SH3GL2: variants seen among roughly 807,000 people sequenced by gnomAD.
SH3GL2 encodes endophilin-A1.
A neutral mutation model predicts 46.0 loss-of-function variants in SH3GL2; 24 were observed. The observed-to-expected ratio is 0.52, with a 90% CI of 0.38 to 0.73. The LOEUF (loss-of-function observed/expected upper bound fraction) is 0.73, where lower values mean the gene tolerates loss of function less well. Ranked by LOEUF, SH3GL2 falls within the 30% of genes least tolerant of loss-of-function variation. SH3GL2 has a pLI of 0.00. For missense variants in SH3GL2, 413 were observed against 424.2 expected, an observed-to-expected ratio of 0.97 and a Z score of 0.23; for synonymous variants, 196 against 147.1, an observed-to-expected ratio of 1.33 and a Z score of -2.40.
At chr9:17,731,017 A>C (rs1175528480) in intron 1 of SH3GL2, among the ~76,000 whole-genome samples, 1 of 152,110 alleles carries the variant, frequency 6.6e-6, no homozygotes, top group Non-Finnish European at 1.5e-5. Context: ...AGAGAGAGCC[A>C]TATGTTCTTA....
At chr9:17,594,206 A>C (rs1005466129) in intron 1 of SH3GL2, among the ~76,000 whole-genome samples, 1 of 151,834 alleles carries the variant, frequency 6.6e-6, no homozygotes, top group Non-Finnish European at 1.5e-5. Flanking sequence ...ATCTGCTTTC[A>C]CTCTCACACT....
intron 1 of SH3GL2, among the ~76,000 whole-genome samples, chr9:17,595,098 C>T (rs1037593337): frequency 1.3e-5 from 2 of 152,222 alleles, no homozygotes; most frequent in Non-Finnish European, 2.9e-5. Context: ...CCCCATTTTA[C>T]AGATGAGGAA....
chr9:17,606,816 A>G (rs367724013), intron 1 of SH3GL2, among the ~76,000 whole-genome samples: 21 of 152,322 alleles, frequency 1.4e-4, no homozygotes, highest in South Asian at 1.2e-3. Context: ...TAAAATTACA[A>G]AATTCAAGAT....
In SH3GL2 at chr9:17,756,364, T is replaced by C. The variant is rs577887565; in HGVS notation, c.115-5073T>C. Among the ~76,000 whole-genome samples, 7 of 152,230 alleles carry C rather than the reference T, an allele frequency of 4.6e-5. No homozygotes were observed. In the South Asian group the frequency reaches 1.2e-3, roughly 27 times the overall value. ...CTTTAAGTTCTAGAGTATGTGTACA[T>C]GTGCACAGCTTGCAGGTTTGTTACA... On this transcript the variant is annotated intron_variant, in intron 2 of 8. Coordinates refer to ENST00000380607, the MANE Select transcript of SH3GL2 (RefSeq NM_003026.5).
At chr9:17,730,992 G>T (rs1472719048) in intron 1 of SH3GL2, among the ~76,000 whole-genome samples, 1 of 152,120 alleles carries the variant, frequency 6.6e-6, no homozygotes, top group African/African-American at 2.4e-5. Context: ...GGGACTTGAG[G>T]CATGCAAAAC....
At chr9:17,652,954 C>T (rs533788444) in intron 1 of SH3GL2, among the ~76,000 whole-genome samples, 1 of 151,976 alleles carries the variant, frequency 6.6e-6, no homozygotes, top group Non-Finnish European at 1.5e-5. Flanking sequence ...TCCTCTTGGT[C>T]CTTTATAATG....
intron 3 of SH3GL2, among the ~76,000 whole-genome samples, chr9:17,778,997 A>G (rs1823723067): frequency 6.6e-6 from 1 of 152,088 alleles, no homozygotes; most frequent in African/African-American, 2.4e-5. Context: ...TCAAGTAGGT[A>G]TTAGAATGCC....
intron 3 of SH3GL2, among the ~76,000 whole-genome samples, chr9:17,777,077 CTTCT>C (rs1325163004): frequency 6.6e-6 from 1 of 152,138 alleles, no homozygotes; most frequent in Non-Finnish European, 1.5e-5. Context: ...GGACCTTCCT[CTTCT>C]TTATTTCGGA....
chr9:17,720,477 G>A (rs1243863060), intron 1 of SH3GL2, among the ~76,000 whole-genome samples: 1 of 152,086 alleles, frequency 6.6e-6, no homozygotes, highest in Admixed American at 6.6e-5. Context: ...ATGAGGTACC[G>A]AGACAGCTGG....
chr9:17,763,867 C>A (rs1449839908), intron 3 of SH3GL2, among the ~76,000 whole-genome samples: 1 of 152,162 alleles, frequency 6.6e-6, no homozygotes, highest in Non-Finnish European at 1.5e-5. Flanking sequence ...ACGATCCTGC[C>A]TCTGAGAAGG....
Position 17,776,085 on chromosome 9 carries a change from C to T in SH3GL2, c.188-10296C>T, listed in dbSNP as rs537748012. ...CTAGGGTGGGGAGAAAAATAGGGTG[C>T]GGAGGGCAGAATCACCCCTCATCCT... On this transcript the variant is annotated intron_variant, in intron 3 of 8. Transcript: ENST00000380607. Among the ~76,000 whole-genome samples, 37 of 152,082 alleles carry T rather than the reference C, an allele frequency of 2.4e-4. No individual in the cohort carries two copies. In the South Asian group the frequency reaches 5.4e-3, roughly 22 times the overall value.
intron 1 of SH3GL2, among the ~76,000 whole-genome samples, chr9:17,623,707 C>G (rs1361317785): frequency 7.7e-5 from 1 of 12,998 alleles, no homozygotes; most frequent in Non-Finnish European, 2.2e-4. Flanking sequence ...TAATTTCCTA[C>G]ACACACACAC....
chr9:17,658,995 GAGAA>G (rs921277354), intron 1 of SH3GL2, among the ~76,000 whole-genome samples: 1 of 152,222 alleles, frequency 6.6e-6, no homozygotes, highest in Non-Finnish European at 1.5e-5. Context: ...ATTATCTTCT[GAGAA>G]AGAAAGGAGC....
chr9:17,656,048 C>A (rs952435495), intron 1 of SH3GL2, among the ~76,000 whole-genome samples: 5 of 152,086 alleles, frequency 3.3e-5, no homozygotes, highest in Admixed American at 6.6e-5. Flanking sequence ...AGTGAAAGAA[C>A]TGAAAAAGTT....
chr9:17,697,408 G>C (rs575701365), intron 1 of SH3GL2, among the ~76,000 whole-genome samples: 1 of 142,534 alleles, frequency 7.0e-6, no homozygotes, highest in East Asian at 2.4e-4. Context: ...ATTTTTAGTA[G>C]AGACAGGGTT....
intron 1 of SH3GL2, among the ~76,000 whole-genome samples, chr9:17,742,559 T>C (rs1822557158): frequency 6.6e-6 from 1 of 152,240 alleles, no homozygotes; most frequent in Non-Finnish European, 1.5e-5. Context: ...GTGAGCAGTC[T>C]TATTTGCCTT....
At chr9:17,785,276 CTAAT>C (rs1053060644) in intron 3 of SH3GL2, among the ~76,000 whole-genome samples, 1 of 152,134 alleles carries the variant, frequency 6.6e-6, no homozygotes, top group African/African-American at 2.4e-5. Flanking sequence ...TTACTTCACT[CTAAT>C]TAATTTTAAA....
rs191125861 is a variant in SH3GL2 at position 17,616,595 on chromosome 9, A to G, written c.45+37308A>G. On this transcript the variant is annotated intron_variant, in intron 1 of 8. Coordinates refer to ENST00000380607, the MANE Select transcript of SH3GL2 (RefSeq NM_003026.5). ...GGCTACAAATGATATAGCAAAGCAAATAACTAGATTATGAATCTTTTGAAA... is the reference window on the plus strand; with the variant it reads ...GGCTACAAATGATATAGCAAAGCAAGTAACTAGATTATGAATCTTTTGAAA... Among the ~76,000 whole-genome samples the G allele has an allele frequency of 3.6e-3, 543 of 152,302 alleles. 6 individuals carry two copies. Among genetic ancestry groups the G allele is most frequent in the African/African-American group, 0.012 (508 of 41,572 alleles).
At chr9:17,627,084 T>C (rs1819298721) in intron 1 of SH3GL2, among the ~76,000 whole-genome samples, 1 of 152,122 alleles carries the variant, frequency 6.6e-6, no homozygotes, top group Non-Finnish European at 1.5e-5. Flanking sequence ...CTGAATAACA[T>C]GTTTAACTTA....
Sources: gnomAD v4.1 joint callset for allele counts (sites outside exome capture counted in the v4.1 genomes callset) on GRCh38, gnomAD v4.1.1 for gene constraint, MANE v1.5 for transcripts, NCBI Gene and HGNC (gene_info 2026-07-23, HGNC 2026-07-21) for gene names.